Variants in CCND2 observed in about 807,000 individuals in gnomAD.
CCND2 encodes the protein G1/S-specific cyclin-D2.
In CCND2, 6 loss-of-function variants were observed where a neutral mutation model predicts 30.2. That is an observed-to-expected ratio of 0.20 (90% CI 0.11 to 0.39). The LOEUF is 0.39. CCND2 is among the 10% of genes least tolerant of loss of function. The pLI, the probability that CCND2 is intolerant of heterozygous loss-of-function variation, is 1.00. For synonymous variants in CCND2, 150 were observed against 153.1 expected, an observed-to-expected ratio of 0.98 and a Z score of 0.15; for missense variants, 235 against 373.4, an observed-to-expected ratio of 0.63 and a Z score of 3.06.
At position 4,304,399 on chromosome 12, in the gene CCND2, T is replaced by C. The variant is rs982074532; in HGVS notation, c.*4390T>C. The C allele has an allele frequency of 8.6e-6, 2 of 233,674 alleles. No homozygotes were observed. The highest frequency in any genetic ancestry group is 1.7e-5 in the Non-Finnish European group (2 of 118,020). The allele number at this position is 233,674 out of a possible 1,614,324, so 14.5% of individuals were successfully genotyped here. A position where few individuals can be genotyped will look rare whatever the true frequency, so the allele number is the denominator to read the frequency against. On this transcript the variant is annotated 3_prime_UTR_variant, in exon 5 of 5. Coordinates refer to ENST00000261254, the MANE Select transcript of CCND2 (RefSeq NM_001759.4). The surrounding 1 kb of genome is among the most constrained non-coding windows in gnomAD (Gnocchi z 6.2). ...TAAGCCAACAAACCCTCTGTAGCTATAGAATGAGTGCAGGTTTCTATTGGT... is the reference window on the plus strand; with the variant it reads ...TAAGCCAACAAACCCTCTGTAGCTACAGAATGAGTGCAGGTTTCTATTGGT...
chr12:4,291,982 C>A (rs747699106), intron 4 of CCND2, among the ~76,000 whole-genome samples: 1 of 152,042 alleles, frequency 6.6e-6, no homozygotes, highest in Non-Finnish European at 1.5e-5. Context: ...GTGTTTAATG[C>A]GTACGGAGTT....
rs199719393 is a variant in CCND2, at chr12:4,278,803, C to T, written c.455C>T (p.Ala152Val). The T allele has an allele frequency of 6.2e-7, 1 of 1,614,192 alleles. No individual in the cohort carries two copies. Among genetic ancestry groups the T allele is most frequent in the Non-Finnish European group, 8.5e-7 (1 of 1,180,006 alleles). ...VVLGKLKWNLAAVTPHDFIEH... is the reference protein window; with the variant it reads ...VVLGKLKWNLVAVTPHDFIEH... The stretch of plus-strand genomic sequence containing the variant: ...CTGGGGAAGTTGAAGTGGAACCTGG[C>T]AGCTGTCACTCCTCATGACTTCATT... Residue 152 changes from alanine (A) to valine (V), a missense_variant, in exon 3 of 5, where the codon GCA (alanine) becomes GTA (valine). Ala to Val is a moderately conservative substitution (Grantham distance 64). Coordinates refer to ENST00000261254, the MANE Select transcript of CCND2 (RefSeq NM_001759.4).
intron 4 of CCND2, among the ~76,000 whole-genome samples, chr12:4,292,341 G>A (rs1864112410): frequency 6.6e-6 from 1 of 152,160 alleles, no homozygotes; most frequent in Admixed American, 6.5e-5. Flanking sequence ...AGAGCTGACA[G>A]TTTCCCCCAG....
chr12:4,290,604 C>T (rs1337702582), intron 4 of CCND2, among the ~76,000 whole-genome samples: 2 of 144,054 alleles, frequency 1.4e-5, no homozygotes, highest in African/African-American at 5.5e-5. Flanking sequence ...TGCCCCCAGG[C>T]ATTGTAACCT....
chr12:4,292,251 A>AG (rs1379664966), intron 4 of CCND2, among the ~76,000 whole-genome samples: 1 of 152,062 alleles, frequency 6.6e-6, no homozygotes, highest in Non-Finnish European at 1.5e-5. Context: ...GTTGATGTTG[A>AG]GCTCTTCCCT....
rs1264636204 is a variant in CCND2 at position 4,300,120 on chromosome 12, C to T, written c.*111C>T. ...GGTGAAACTTAAAAAAAAAATTCTG[C>T]CCCCACCTAGATCATATTTAAAGAT... On this transcript the variant is annotated 3_prime_UTR_variant, in exon 5 of 5. Transcript: ENST00000261254. 4.8e-5 allele frequency: 52 copies of T among 1,076,070 alleles called. No homozygotes were observed. In the East Asian group the frequency reaches 1.2e-3, roughly 25 times the overall value. The allele number at this position is 1,076,070 out of a possible 1,614,324, so 66.7% of individuals were successfully genotyped here. A position where few individuals can be genotyped will look rare whatever the true frequency, so the allele number is the denominator to read the frequency against.
At chr12:4,281,837 C>G (rs1007975273) in intron 3 of CCND2, among the ~76,000 whole-genome samples, 1 of 151,904 alleles carries the variant, frequency 6.6e-6, no homozygotes, top group African/African-American at 2.4e-5. Flanking sequence ...AAGATGGTGG[C>G]AAGGCGGAGA....
At position 4,304,094 on chromosome 12, in the gene CCND2, G is replaced by A; in HGVS notation, c.*4085G>A. On this transcript the variant is annotated 3_prime_UTR_variant, in exon 5 of 5. Transcript: ENST00000261254. This position sits in a 1 kb window ranked among gnomAD's most constrained non-coding sequence, Gnocchi z 6.2. ...TTAAGAACATAAGGCAGGATCAGAT[G>A]ACTCTCTCCAAGAGGGCAGGGGAAT... The A allele has an allele frequency of 4.3e-6, 1 of 233,380 alleles. No homozygotes were observed. Among genetic ancestry groups the A allele is most frequent in the Non-Finnish European group, 8.5e-6 (1 of 118,088 alleles). 14.5% of individuals were successfully genotyped at this position (233,380 alleles called of 1,614,324 possible).
chr12:4,301,733 T>C lies in CCND2; in HGVS notation c.*1724T>C, dbSNP rs1864252910. 4.7e-6 allele frequency: 1 copy of C among 214,758 alleles called. No homozygotes were observed. The highest frequency in any genetic ancestry group is 1.9e-4 in the South Asian group (1 of 5,274). The allele number at this position is 214,758 out of a possible 1,614,324, so 13.3% of individuals were successfully genotyped here. Reference sequence around the variant, plus strand: ...AAGAAGCTAAAGTCATCCATCCTTATTCACGTTGACAGTACCTAGCTGTAA... The same window carrying C: ...AAGAAGCTAAAGTCATCCATCCTTACTCACGTTGACAGTACCTAGCTGTAA... On this transcript the variant is annotated 3_prime_UTR_variant, in exon 5 of 5. Transcript: ENST00000261254.
rs534295868 is a variant in CCND2, at chr12:4,284,410, T to A, written c.572-4432T>A. ...TTCCAGAGCTAATACTCTGAACCAGTGAGCTGTGTTCTCCAGAGGTCTGCT... is the reference window on the plus strand; with the variant it reads ...TTCCAGAGCTAATACTCTGAACCAGAGAGCTGTGTTCTCCAGAGGTCTGCT... On this transcript the variant is annotated intron_variant, in intron 3 of 4. Coordinates refer to ENST00000261254, the MANE Select transcript of CCND2 (RefSeq NM_001759.4). Among the ~76,000 whole-genome samples the A allele has an allele frequency of 2.6e-5, 4 of 152,326 alleles. No homozygotes were observed. The East Asian group carries it at 7.7e-4, about 29-fold the overall frequency.
At chr12:4,288,714 C>T in intron 3 of CCND2, 128 bp from the exon 4 acceptor site, 2 of 798,642 alleles carry the variant, frequency 2.5e-6, no homozygotes, top group East Asian at 2.7e-5. Flanking sequence ...GGAGGACATG[C>T]CTGTAGGGCA....
intron 3 of CCND2, among the ~76,000 whole-genome samples, chr12:4,281,143 G>A (rs1215529841): frequency 1.3e-5 from 2 of 152,224 alleles, no homozygotes; most frequent in Non-Finnish European, 2.9e-5. Context: ...TGAAAATGGT[G>A]TGCTAGGCAC....
At position 4,287,811 on chromosome 12, in the gene CCND2, G is replaced by A. The variant is rs770980735; in HGVS notation, c.572-1031G>A. On this transcript the variant is annotated intron_variant, in intron 3 of 4. Transcript: ENST00000261254. This position sits in a 1 kb window ranked among gnomAD's most constrained non-coding sequence, Gnocchi z 4.0. The stretch of plus-strand genomic sequence containing the variant: ...AAGTTGGCTGTCTTTATTTCCCCTC[G>A]ATGGACCAAGCAGCTGCTGGATCAT... Among the ~76,000 whole-genome samples the A allele has an allele frequency of 6.6e-6, 1 of 152,146 alleles. No individual in the cohort carries two copies. Among genetic ancestry groups the A allele is most frequent in the African/African-American group, 2.4e-5 (1 of 41,416 alleles).
At chr12:4,284,031 C>T (rs532858949) in intron 3 of CCND2, among the ~76,000 whole-genome samples, 1 of 152,284 alleles carries the variant, frequency 6.6e-6, no homozygotes, top group African/African-American at 2.4e-5. Context: ...TGGCCTGCTC[C>T]CTGCATCTGC....
intron 4 of CCND2, chr12:4,297,888 C>T: frequency 4.5e-6 from 2 of 445,422 alleles, no homozygotes; most frequent in South Asian, 3.2e-5. Context: ...GGCACGGAGA[C>T]TCCTGCTGCT....
chr12:4,297,123 C>A (rs1351394159), intron 4 of CCND2, among the ~76,000 whole-genome samples: 1 of 152,154 alleles, frequency 6.6e-6, no homozygotes, highest in African/African-American at 2.4e-5. Flanking sequence ...TGATGTAGAA[C>A]CTGCCTAAGG....
chr12:4,278,707 G>A, intron 2 of CCND2, 53 bp from the exon 3 acceptor site: 3 of 1,595,284 alleles, frequency 1.9e-6, no homozygotes, highest in East Asian at 2.2e-5. Flanking sequence ...CCCTACACCA[G>A]GTCAGCCTGT....
chr12:4,289,072 T>C lies in CCND2; in HGVS notation c.720+82T>C, dbSNP rs148380233. On this transcript the variant is annotated intron_variant, in intron 4 of 4. Transcript: ENST00000261254. ...GGAGACGACGGATTTGATTATGTTG[T>C]GTCAGAGGTATTTTTCTGGTTTGTT... 114 of 1,353,984 alleles carry C rather than the reference T, an allele frequency of 8.4e-5. 1 individual carries two copies. In the African/African-American group the frequency reaches 1.5e-3, roughly 18 times the overall value. The allele number at this position is 1,353,984 out of a possible 1,614,324, so 83.9% of individuals were successfully genotyped here.
Position 4,299,900 on chromosome 12 carries a change from T to TCCTCAATAGCCTGCAGCAGTA in CCND2, c.764_784dup (p.Leu255_Tyr261dup). 1 of 1,614,006 alleles carries TCCTCAATAGCCTGCAGCAGTA rather than the reference T, an allele frequency of 6.2e-7. No individual in the cohort carries two copies. The highest frequency in any genetic ancestry group is 8.5e-7 in the Non-Finnish European group (1 of 1,179,898). On this transcript the variant is annotated inframe_insertion, in exon 5 of 5. Transcript: ENST00000261254. This position sits in a 1 kb window ranked among gnomAD's most constrained non-coding sequence, Gnocchi z 5.2. ...TGCCAGGAGCAGATTGAGGCGGTGCTCCTCAATAGCCTGCAGCAGTACCGT... is the reference window on the plus strand; with the variant it reads ...TGCCAGGAGCAGATTGAGGCGGTGCTCCTCAATAGCCTGCAGCAGTACCTCAATAGCCTGCAGCAGTACCGT...
Sources: allele counts gnomAD v4.1 joint callset (sites outside exome capture counted in the v4.1 genomes callset), GRCh38; gene constraint gnomAD v4.1.1; non-coding constraint Gnocchi (gnomAD v3.1); transcripts MANE v1.5; gene names NCBI Gene and HGNC (gene_info 2026-07-23, HGNC 2026-07-21).